CDKN2B: variants seen among roughly 807,000 people sequenced by gnomAD.
The protein encoded by CDKN2B is cyclin-dependent kinase 4 inhibitor B.
Under a neutral mutation model 7.7 loss-of-function variants are expected in CDKN2B, and 8 were observed. The ratio of observed to expected loss-of-function variants is 1.04; its 90% CI spans 0.61 to 1.87. CDKN2B has a LOEUF of 1.87. Among genes scored for constraint, CDKN2B ranks in the 40% most tolerant of loss-of-function variants. CDKN2B has a pLI of 0.00. For synonymous variants in CDKN2B, 93 were observed against 95.8 expected, an observed-to-expected ratio of 0.97 and a Z score of 0.17; for missense variants, 244 against 213.1, an observed-to-expected ratio of 1.15 and a Z score of -0.90.
intron 1 of CDKN2B, 111 bp downstream of exon 1, chr9:22,008,687 G>C (rs750203452): frequency 1.9e-6 from 3 of 1,610,084 alleles, no homozygotes; most frequent in Non-Finnish European, 2.5e-6. Context: ...CCGGCCAACG[G>C]AGACTCCTGT....
chr9:22,009,173 A>C lies in CDKN2B; in HGVS notation c.-220T>G. 7.6e-6 allele frequency: 5 copies of C among 658,406 alleles called. No homozygotes were observed. Among genetic ancestry groups the C allele is most frequent in the Non-Finnish European group, 1.3e-5 (5 of 380,204 alleles). 40.8% of individuals were successfully genotyped at this position (658,406 alleles called of 1,614,324 possible). A position where few individuals can be genotyped will look rare whatever the true frequency, so the allele number is the denominator to read the frequency against. ...CTCCGGGCTTTTCCTGGCGCTCAAG[A>C]ACCAGCGGGCGCGCCTGGATTGCTT... is the stretch of plus-strand genomic sequence containing the variant. On this transcript the variant is annotated 5_prime_UTR_variant, in exon 1 of 2. Coordinates refer to ENST00000276925, the MANE Select transcript of CDKN2B (RefSeq NM_004936.4).
Position 22,005,949 on chromosome 9 carries a change from G to A in CDKN2B, c.*38C>T, listed in dbSNP as rs1821152225. Reference sequence around the variant, plus strand: ...TGGGTGGGGGTGGGAAATTGGGTAAGAAAATAAAGTCGTTGTGGGCGGCTG... The same window carrying A: ...TGGGTGGGGGTGGGAAATTGGGTAAAAAAATAAAGTCGTTGTGGGCGGCTG... On this transcript the variant is annotated 3_prime_UTR_variant, in exon 2 of 2. Coordinates refer to ENST00000276925, the MANE Select transcript of CDKN2B (RefSeq NM_004936.4). This position sits in a 1 kb window ranked among gnomAD's most constrained non-coding sequence, Gnocchi z 4.9. 2 of 1,597,218 alleles carry A rather than the reference G, an allele frequency of 1.3e-6. No homozygotes were observed. Among genetic ancestry groups the A allele is most frequent in the Admixed American group, 1.7e-5 (1 of 59,844 alleles).
In CDKN2B at chr9:22,008,933, G is replaced by C; in HGVS notation, c.21C>G (p.Gly7=). MREENK[G]MPSGGGSDEG... is the part of the protein sequence containing the mutation. ...CATCGCTGCCGCCCCCACTGGGCAT[G>C]CCCTTGTTCTCCTCGCGCATTCCGC... Residue 7 remains glycine, a synonymous_variant, in exon 1 of 2, where the codon GGC becomes GGG. Transcript: ENST00000276925. 6.2e-7 allele frequency: 1 copy of C among 1,612,906 alleles called. No homozygotes were observed. Among genetic ancestry groups the C allele is most frequent in the Non-Finnish European group, 8.5e-7 (1 of 1,179,946 alleles).
rs1195259117 is a variant in CDKN2B at position 22,003,757 on chromosome 9, G to T, written c.*2230C>A. On this transcript the variant is annotated 3_prime_UTR_variant, in exon 2 of 2. Coordinates refer to ENST00000276925, the MANE Select transcript of CDKN2B (RefSeq NM_004936.4). ...GGGTTTTTATAGGTGTGTTGGGGGG[G>T]GTTATTCTCCATATTGTTGACATTT... The T allele has an allele frequency of 4.3e-6, 1 of 231,986 alleles. No homozygotes were observed. The highest frequency in any genetic ancestry group is 8.5e-6 in the Non-Finnish European group (1 of 117,452). The allele number at this position is 231,986 out of a possible 1,614,324, so 14.4% of individuals were successfully genotyped here.
At position 22,003,013 on chromosome 9, in the gene CDKN2B, A is replaced by C. The variant is rs1024149948; in HGVS notation, c.*2974T>G. On this transcript the variant is annotated 3_prime_UTR_variant, in exon 2 of 2. Coordinates refer to ENST00000276925, the MANE Select transcript of CDKN2B (RefSeq NM_004936.4). ...TGTCTTAGGTTTAGATACGAACTTAACAGGTATATTTAATTTTCTGTATTC... is the reference window on the plus strand; with the variant it reads ...TGTCTTAGGTTTAGATACGAACTTACCAGGTATATTTAATTTTCTGTATTC... 2.9e-5 allele frequency: 6 copies of C among 205,412 alleles called. No individual in the cohort carries two copies. The highest frequency in any genetic ancestry group is 6.0e-5 in the Non-Finnish European group (6 of 100,594). The allele number at this position is 205,412 out of a possible 1,614,324, so 12.7% of individuals were successfully genotyped here.
chr9:22,008,955 C>T lies in CDKN2B; in HGVS notation c.-2G>A. On this transcript the variant is annotated 5_prime_UTR_variant, in exon 1 of 2. Transcript: ENST00000276925. ...CATGCCCTTGTTCTCCTCGCGCATTCCGCAGCCCCCAGACGCGCAGCGGCC... is the reference window on the plus strand; with the variant it reads ...CATGCCCTTGTTCTCCTCGCGCATTTCGCAGCCCCCAGACGCGCAGCGGCC... 2 of 1,613,126 alleles carry T rather than the reference C, an allele frequency of 1.2e-6. No individual in the cohort carries two copies. The highest frequency in any genetic ancestry group is 3.3e-4 in the Middle Eastern group (2 of 6,060).
Position 22,004,231 on chromosome 9 carries a change from T to C in CDKN2B, c.*1756A>G, listed in dbSNP as rs944719153. 7 of 232,558 alleles carry C rather than the reference T, an allele frequency of 3.0e-5. No homozygotes were observed. In the East Asian group the frequency reaches 3.1e-4, roughly 10 times the overall value. 14.4% of individuals were successfully genotyped at this position (232,558 alleles called of 1,614,324 possible). ...CCCAGTAATATGTTCATTTTGGGAA[T>C]AGGAATTGGTAGAGAAGTAAAGATT... is the stretch of plus-strand genomic sequence containing the variant. On this transcript the variant is annotated 3_prime_UTR_variant, in exon 2 of 2. Transcript: ENST00000276925.
rs1221231051 is a variant in CDKN2B at position 22,004,911 on chromosome 9, T to C, written c.*1076A>G. The C allele has an allele frequency of 4.3e-6, 1 of 233,150 alleles. No homozygotes were observed. The highest frequency in any genetic ancestry group is 2.2e-5 in the African/African-American group (1 of 45,342). The allele number at this position is 233,150 out of a possible 1,614,324, so 14.4% of individuals were successfully genotyped here. On this transcript the variant is annotated 3_prime_UTR_variant, in exon 2 of 2. Transcript: ENST00000276925. ...AATAAATAGGTTAAGAAGAAAGCAA[T>C]CTAGGCGTTTGCACTGAGTTTGCAA...
rs1292208037 is a variant in CDKN2B at position 22,008,880 on chromosome 9, C to T, written c.74G>A (p.Gly25Glu). The stretch of plus-strand genomic sequence containing the variant: ...GAGCTGTCGCACCTTCTCCACTAGT[C>T]CCCGCGCCGCGGCGCTGGCCAGACC... ...DEGLASAAAR[G>E]LVEKVRQLLE... The change falls in exon 1 of 2, where the codon GGA becomes GAA. Residue 25 changes from glycine to glutamate, a missense_variant. Gly to Glu is a moderately conservative substitution (Grantham distance 98). Coordinates refer to ENST00000276925, the MANE Select transcript of CDKN2B (RefSeq NM_004936.4). 2 of 1,612,314 alleles carry T rather than the reference C, an allele frequency of 1.2e-6. No homozygotes were observed. Among genetic ancestry groups the T allele is most frequent in the Non-Finnish European group, 1.7e-6 (2 of 1,179,690 alleles).
At chr9:22,007,248 G>A (rs1821233463) in intron 1 of CDKN2B, among the ~76,000 whole-genome samples, 1 of 152,126 alleles carries the variant, frequency 6.6e-6, no homozygotes, top group African/African-American at 2.4e-5. Context: ...TGTAGTCCCA[G>A]CAACTCAGGA....
At position 22,009,144 on chromosome 9, in the gene CDKN2B, T is replaced by C; in HGVS notation, c.-191A>G. The C allele has an allele frequency of 1.3e-6, 1 of 751,194 alleles. No individual in the cohort carries two copies. Among genetic ancestry groups the C allele is most frequent in the South Asian group, 1.8e-5 (1 of 56,368 alleles). 46.5% of individuals were successfully genotyped at this position (751,194 alleles called of 1,614,324 possible). On this transcript the variant is annotated 5_prime_UTR_variant, in exon 1 of 2. Transcript: ENST00000276925. Reference sequence around the variant, plus strand: ...CGTGCAGTGGCCGAGCGGCCGGTCGTTAGCTCCGGGCTTTTCCTGGCGCTC... The same window carrying C: ...CGTGCAGTGGCCGAGCGGCCGGTCGCTAGCTCCGGGCTTTTCCTGGCGCTC...
In CDKN2B at chr9:22,003,299, C is replaced by CA. The variant is rs3217991; in HGVS notation, c.*2687dup. The stretch of plus-strand genomic sequence containing the variant: ...AAATAAAAAAAACTAACAAAACAAA[C>CA]AAAAAAAACAGTGTAATATAGTACT... On this transcript the variant is annotated 3_prime_UTR_variant, in exon 2 of 2. Coordinates refer to ENST00000276925, the MANE Select transcript of CDKN2B (RefSeq NM_004936.4). 74,280 of 217,026 alleles carry CA rather than the reference C, an allele frequency of 0.34. 13,885 individuals carry two copies. The highest frequency in any genetic ancestry group is 0.51 in the East Asian group (7,222 of 14,230). The allele number at this position is 217,026 out of a possible 1,614,324, so 13.4% of individuals were successfully genotyped here.
chr9:22,007,543 CTAAA>C (rs748705961), intron 1 of CDKN2B, among the ~76,000 whole-genome samples: 1 of 152,028 alleles, frequency 6.6e-6, no homozygotes, highest in Non-Finnish European at 1.5e-5. Flanking sequence ...TTTTTGGTAA[CTAAA>C]TGTCTAAAAT....
At position 22,009,177 on chromosome 9, in the gene CDKN2B, A is replaced by T. The variant is rs1038198068; in HGVS notation, c.-224T>A. The T allele has an allele frequency of 1.2e-5, 8 of 651,732 alleles. No individual in the cohort carries two copies. The highest frequency in any genetic ancestry group is 2.1e-5 in the Non-Finnish European group (8 of 374,998). The allele number at this position is 651,732 out of a possible 1,614,324, so 40.4% of individuals were successfully genotyped here. A position where few individuals can be genotyped will look rare whatever the true frequency, so the allele number is the denominator to read the frequency against. ...GGGCTTTTCCTGGCGCTCAAGAACC[A>T]GCGGGCGCGCCTGGATTGCTTCTGG... On this transcript the variant is annotated 5_prime_UTR_variant, in exon 1 of 2. Transcript: ENST00000276925.
chr9:22,003,575 A>C lies in CDKN2B; in HGVS notation c.*2412T>G. On this transcript the variant is annotated 3_prime_UTR_variant, in exon 2 of 2. Transcript: ENST00000276925. ...AAGTATCAACTGACTTCTTTTATAT[A>C]GAATGTTTTCTAATAATTGTAAAAT... 4.4e-6 allele frequency: 1 copy of C among 229,406 alleles called. No homozygotes were observed. The highest frequency in any genetic ancestry group is 8.6e-6 in the Non-Finnish European group (1 of 115,740). 14.2% of individuals were successfully genotyped at this position (229,406 alleles called of 1,614,324 possible).
At chr9:22,008,508 A>C (rs932976985) in intron 1 of CDKN2B, among the ~76,000 whole-genome samples, 1 of 152,144 alleles carries the variant, frequency 6.6e-6, no homozygotes, top group African/African-American at 2.4e-5. Context: ...TTCCCTAAAT[A>C]AGCTTTCCTT....
chr9:22,005,092 G>A lies in CDKN2B; in HGVS notation c.*895C>T, dbSNP rs1201603040. 2 of 230,032 alleles carry A rather than the reference G, an allele frequency of 8.7e-6. No homozygotes were observed. Among genetic ancestry groups the A allele is most frequent in the African/African-American group, 2.3e-5 (1 of 44,128 alleles). The allele number at this position is 230,032 out of a possible 1,614,324, so 14.2% of individuals were successfully genotyped here. ...AAAATCAAAAAGTAGCAAGTCATAA[G>A]GGGATTTCCGCATCCTAGCATGTGT... On this transcript the variant is annotated 3_prime_UTR_variant, in exon 2 of 2. Coordinates refer to ENST00000276925, the MANE Select transcript of CDKN2B (RefSeq NM_004936.4). This position sits in a 1 kb window ranked among gnomAD's most constrained non-coding sequence, Gnocchi z 4.9.
Position 22,004,329 on chromosome 9 carries a change from C to G in CDKN2B, c.*1658G>C, listed in dbSNP as rs1273804945. 8.6e-6 allele frequency: 2 copies of G among 232,108 alleles called. No homozygotes were observed. Among genetic ancestry groups the G allele is most frequent in the Non-Finnish European group, 1.7e-5 (2 of 117,462 alleles). 14.4% of individuals were successfully genotyped at this position (232,108 alleles called of 1,614,324 possible). On this transcript the variant is annotated 3_prime_UTR_variant, in exon 2 of 2. Coordinates refer to ENST00000276925, the MANE Select transcript of CDKN2B (RefSeq NM_004936.4). ...AATGACTTGTTTCTGTTCCTTTTTT[C>G]TCTTTTAAATGTGTATCTGGTAGAA...
rs539846785 is a variant in CDKN2B at position 22,005,902 on chromosome 9, T to G, written c.*85A>C. 1.2e-5 allele frequency: 19 copies of G among 1,538,070 alleles called. No homozygotes were observed. In the African/African-American group the frequency reaches 2.6e-4, roughly 21 times the overall value. On this transcript the variant is annotated 3_prime_UTR_variant, in exon 2 of 2. Transcript: ENST00000276925. This position sits in a 1 kb window ranked among gnomAD's most constrained non-coding sequence, Gnocchi z 4.9. ...TTACAGGCTTTCCGCCGCTCCCCGT[T>G]GGCAGCCTTCATCGAATTAGGTGGG...
Sources: allele counts gnomAD v4.1 joint callset (sites outside exome capture counted in the v4.1 genomes callset), GRCh38; gene constraint gnomAD v4.1.1; non-coding constraint Gnocchi (gnomAD v3.1); transcripts MANE v1.5; gene names NCBI Gene and HGNC (gene_info 2026-07-23, HGNC 2026-07-21).